Variants in MAP3K5 observed in about 807,000 individuals in gnomAD.
The protein encoded by MAP3K5 is ASK-1.
Under a neutral mutation model 158.7 loss-of-function variants are expected in MAP3K5, and 56 were observed. That is an observed-to-expected ratio of 0.35 (90% CI 0.28 to 0.44). MAP3K5 has a LOEUF of 0.44. MAP3K5 is among the 20% of genes least tolerant of loss of function. MAP3K5 has a pLI of 1.00. For synonymous variants in MAP3K5, 579 were observed against 601.7 expected (o/e 0.96, Z 0.55); for missense variants, 1,294 against 1,674.8 (o/e 0.77, Z 3.97).
intron 28 of MAP3K5, among the ~76,000 whole-genome samples, chr6:136,560,134 T>C (rs937800143): frequency 6.6e-6 from 1 of 152,228 alleles, no homozygotes; most frequent in African/African-American, 2.4e-5. Context: ...TTTTAATGTA[T>C]GCCTGTGTGT....
rs375752298 is a variant in MAP3K5, at chr6:136,781,167, T to C, written c.448+10543A>G. Among the ~76,000 whole-genome samples, 35 of 152,348 alleles carry C rather than the reference T, an allele frequency of 2.3e-4. 2 individuals carry two copies. Among genetic ancestry groups the C allele is most frequent in the Admixed American group, 9.8e-4 (15 of 15,298 alleles). ...GTAAACCCAGCTCTCTGGATCATTC[T>C]AGAGAAAGGCTAGTTTTGGTCTATC... is the stretch of plus-strand genomic sequence containing the variant. On this transcript the variant is annotated intron_variant, in intron 1 of 29. Coordinates refer to ENST00000359015, the MANE Select transcript of MAP3K5 (RefSeq NM_005923.4).
In MAP3K5 at chr6:136,601,844, T is replaced by C. The variant is rs1234343844; in HGVS notation, c.2815A>G (p.Lys939Glu). ...ANDLLVDEFL[K>E]VSSKKKKTQP... ...GTCTTTTTCTTTTTGCTTGAAACTTTTAAAAACTCATCAACAAGCAAGTCG... is the reference window on the plus strand; with the variant it reads ...GTCTTTTTCTTTTTGCTTGAAACTTCTAAAAACTCATCAACAAGCAAGTCG... The change falls in exon 20 of 30, where the codon AAA becomes GAA. Residue 939 changes from lysine to glutamate, a missense_variant. This residue lies in a region of MAP3K5 where 362 missense variants were observed against 463.2 expected (regional missense o/e 0.78). Transcript: ENST00000359015. 1.2e-6 allele frequency: 2 copies of C among 1,614,090 alleles called. No homozygotes were observed. The highest frequency in any genetic ancestry group is 1.3e-5 in the African/African-American group (1 of 74,936).
At chr6:136,681,781 T>C (rs947222150) in intron 7 of MAP3K5, among the ~76,000 whole-genome samples, 4 of 152,128 alleles carry the variant, frequency 2.6e-5, no homozygotes, top group African/African-American at 9.6e-5. Context: ...TAGCCGGGTG[T>C]GGTGGCGGGC....
At chr6:136,568,893 T>C (rs998984086) in intron 25 of MAP3K5, among the ~76,000 whole-genome samples, 1 of 148,440 alleles carries the variant, frequency 6.7e-6, no homozygotes, top group Non-Finnish European at 1.5e-5. Flanking sequence ...TTGGATGATA[T>C]TGTAAACCAA....
At chr6:136,780,387 C>A (rs571852370) in intron 1 of MAP3K5, among the ~76,000 whole-genome samples, 2 of 152,352 alleles carry the variant, frequency 1.3e-5, no homozygotes, top group Admixed American at 6.5e-5. Flanking sequence ...TTAGCAAATT[C>A]ATTTCACCAT....
chr6:136,628,367 C>T (rs575576816), intron 14 of MAP3K5, among the ~76,000 whole-genome samples: 4 of 152,062 alleles, frequency 2.6e-5, no homozygotes, highest in Admixed American at 2.6e-4. Flanking sequence ...GCTGCCTCGG[C>T]CTCCCAACCA....
intron 1 of MAP3K5, among the ~76,000 whole-genome samples, chr6:136,762,794 TC>T (rs1335810116): frequency 1.3e-5 from 2 of 152,054 alleles, no homozygotes; most frequent in African/African-American, 4.8e-5. Context: ...GAAAGTCCTC[TC>T]CCCCTTCCTC....
At chr6:136,621,216 T>C (rs1776786136) in intron 15 of MAP3K5, among the ~76,000 whole-genome samples, 1 of 152,202 alleles carries the variant, frequency 6.6e-6, no homozygotes, top group Non-Finnish European at 1.5e-5. Flanking sequence ...CCCAGTCTAC[T>C]AATAAGCCAT....
At chr6:136,629,768 TTTA>T (rs1562561474) in intron 14 of MAP3K5, among the ~76,000 whole-genome samples, 25 of 19,552 alleles carry the variant, frequency 1.3e-3, no homozygotes, top group African/African-American at 4.0e-3. Flanking sequence ...CTCACCTTCA[TTTA>T]TTTATTTATT....
chr6:136,626,162 C>T (rs1028265739), intron 14 of MAP3K5, among the ~76,000 whole-genome samples: 1 of 152,160 alleles, frequency 6.6e-6, no homozygotes. Flanking sequence ...ATGTCCCTAC[C>T]AGCTCCAGGT....
chr6:136,636,535 A>G (rs555872463), intron 14 of MAP3K5, among the ~76,000 whole-genome samples: 28 of 152,308 alleles, frequency 1.8e-4, no homozygotes, highest in African/African-American at 6.7e-4. Context: ...TTCTTCAGAC[A>G]TTGAAGATGC....
chr6:136,656,757 G>A (rs999442759), intron 9 of MAP3K5, among the ~76,000 whole-genome samples: 30 of 152,036 alleles, frequency 2.0e-4, no homozygotes, highest in African/African-American at 6.5e-4. Flanking sequence ...GAGTAGCTGG[G>A]ATCACAGGCA....
intron 25 of MAP3K5, among the ~76,000 whole-genome samples, chr6:136,578,254 A>T (rs73554200): frequency 2.1e-3 from 314 of 152,328 alleles, no homozygotes; most frequent in African/African-American, 7.1e-3. Flanking sequence ...ACTACTAATC[A>T]TGTGCTTCAA....
At chr6:136,698,397 A>T (rs570413272) in intron 4 of MAP3K5, 92 bp downstream of exon 4, 1 of 1,039,914 alleles carries the variant, frequency 9.6e-7, no homozygotes, top group Non-Finnish European at 1.4e-6. Flanking sequence ...CTGTATACTG[A>T]TATCTCAGGA....
At chr6:136,601,776 A>C (rs772545780) in intron 20 of MAP3K5, 26 bp downstream of exon 20, 5 of 1,610,454 alleles carry the variant, frequency 3.1e-6, no homozygotes, top group Admixed American at 1.7e-5. Context: ...GACTCAGACT[A>C]TATCCTCTTC....
chr6:136,610,565 TCA>T (rs1562544580), intron 18 of MAP3K5, among the ~76,000 whole-genome samples: 1 of 129,904 alleles, frequency 7.7e-6, no homozygotes, highest in African/African-American at 3.0e-5. Context: ...TGAGTAAGCA[TCA>T]CAGAGAGGTT....
At position 136,711,901 on chromosome 6, in the gene MAP3K5, C is replaced by T. The variant is rs1583461115; in HGVS notation, c.589-6768G>A. On this transcript the variant is annotated intron_variant, in intron 2 of 29. Transcript: ENST00000359015. The stretch of plus-strand genomic sequence containing the variant: ...CTGCCAGGTCTAGAGACCTTTTACA[C>T]CTCTGTTATTCATGACGGGGGCTAA... 3.3e-5 allele frequency among the ~76,000 whole-genome samples: 5 copies of T among 152,198 alleles called. No individual in the cohort carries two copies. The East Asian group carries it at 7.7e-4, about 24-fold the overall frequency.
intron 1 of MAP3K5, among the ~76,000 whole-genome samples, chr6:136,780,907 A>C (rs184366807): frequency 6.6e-6 from 1 of 152,176 alleles, no homozygotes; most frequent in Non-Finnish European, 1.5e-5. Flanking sequence ...AGTTTTTCCC[A>C]TGCAAACAGA....
intron 23 of MAP3K5, chr6:136,584,524 A>G (rs1775029364): frequency 6.5e-6 from 1 of 153,106 alleles, no homozygotes; most frequent in Admixed American, 6.5e-5. Context: ...CCATTTTTTG[A>G]AAGCATCAAA....
Sources: allele counts gnomAD v4.1 joint callset (sites outside exome capture counted in the v4.1 genomes callset), GRCh38; gene constraint gnomAD v4.1.1; regional missense constraint gnomAD v4.1.1; transcripts MANE v1.5; gene names NCBI Gene and HGNC (gene_info 2026-07-23, HGNC 2026-07-21).